The following FBXL13 variants were observed in gnomAD, a reference collection of about 807,000 sequenced individuals.
The protein encoded by FBXL13 is F-box and leucine-rich repeat protein 13.
Under a neutral mutation model 83.6 loss-of-function variants are expected in FBXL13, and 67 were observed. The observed-to-expected ratio is 0.80, with a 90% CI of 0.66 to 0.98. The LOEUF is 0.98. Among genes scored for constraint, FBXL13 ranks in the 50% least tolerant of loss-of-function variants. The probability of loss-of-function intolerance (pLI) is 0.00; values close to 1 mark genes in which losing one functional copy is unlikely to be tolerated. For synonymous variants in FBXL13, 272 were observed against 299.5 expected (o/e 0.91, Z 0.95); for missense variants, 822 against 866.5 (o/e 0.95, Z 0.64).
chr7:102,973,266 C>A, intron 6 of FBXL13: 1 of 419,750 alleles, frequency 2.4e-6, no homozygotes, highest in Non-Finnish European at 4.3e-6. Context: ...CCTCTCTTCT[C>A]AGGCCCAGTC....
intron 1 of FBXL13, among the ~76,000 whole-genome samples, chr7:103,059,265 A>C (rs1797630882): frequency 1.3e-5 from 2 of 152,164 alleles, no homozygotes; most frequent in Non-Finnish European, 2.9e-5. Flanking sequence ...GTGGCAGAGA[A>C]AGACCTTGTC....
chr7:102,909,706 G>C (rs774739859), intron 11 of FBXL13, among the ~76,000 whole-genome samples: 1 of 152,154 alleles, frequency 6.6e-6, no homozygotes, highest in Admixed American at 6.5e-5. Context: ...CCTGGAACGA[G>C]GGCCTTATGA....
At position 103,054,467 on chromosome 7, in the gene FBXL13, T is replaced by C. The variant is rs553983822; in HGVS notation, c.-1+1177A>G. 3.3e-5 allele frequency among the ~76,000 whole-genome samples: 5 copies of C among 152,214 alleles called. No homozygotes were observed. The East Asian group carries it at 7.7e-4, about 24-fold the overall frequency. On this transcript the variant is annotated intron_variant, in intron 2 of 19. Transcript: ENST00000313221. ...TCTAATTTGTGTTAGTATTTCTCTCTTCATGTGCCTTTTGCTCTGTTAGCC... is the reference window on the plus strand; with the variant it reads ...TCTAATTTGTGTTAGTATTTCTCTCCTCATGTGCCTTTTGCTCTGTTAGCC...
At chr7:102,890,950 T>C (rs956834071) in intron 11 of FBXL13, among the ~76,000 whole-genome samples, 2 of 152,202 alleles carry the variant, frequency 1.3e-5, no homozygotes, top group African/African-American at 4.8e-5. Context: ...GTAATATCCA[T>C]ATATTTTTAT....
intron 11 of FBXL13, among the ~76,000 whole-genome samples, chr7:102,897,009 A>AT (rs554702284): frequency 3.1e-4 from 45 of 147,210 alleles, no homozygotes; most frequent in South Asian, 2.8e-3. Flanking sequence ...AGGAGCAGGA[A>AT]TTTTTTTTTT....
intron 2 of FBXL13, among the ~76,000 whole-genome samples, chr7:103,050,368 C>T (rs1585558973): frequency 6.6e-6 from 1 of 152,346 alleles, no homozygotes; most frequent in East Asian, 1.9e-4. Context: ...GCTTGCCACA[C>T]CATCGCCCTG....
At chr7:103,011,027 CA>C (rs36101150) in intron 6 of FBXL13, among the ~76,000 whole-genome samples, 3,094 of 147,398 alleles carry the variant, frequency 0.021, 117 homozygotes, top group African/African-American at 0.073. Flanking sequence ...AAGAAAAAAG[CA>C]AAAAAAAAAT....
intron 6 of FBXL13, among the ~76,000 whole-genome samples, chr7:102,989,584 A>T (rs1390043406): frequency 6.6e-6 from 1 of 152,206 alleles, no homozygotes; most frequent in Non-Finnish European, 1.5e-5. Context: ...TGCAAGATGC[A>T]TGCATCCTGG....
At chr7:102,991,033 G>A (rs775039515) in intron 6 of FBXL13, among the ~76,000 whole-genome samples, 2 of 152,174 alleles carry the variant, frequency 1.3e-5, no homozygotes, top group Non-Finnish European at 2.9e-5. Context: ...AATAAGTCAG[G>A]TGGTCAAAGT....
chr7:103,004,768 C>T (rs923639206), intron 6 of FBXL13, among the ~76,000 whole-genome samples: 4 of 152,064 alleles, frequency 2.6e-5, no homozygotes, highest in Non-Finnish European at 5.9e-5. Flanking sequence ...TTTTTCATTT[C>T]TTTGTACACC....
At chr7:103,062,042 A>AC (rs1231391906) in intron 1 of FBXL13, among the ~76,000 whole-genome samples, 6 of 148,250 alleles carry the variant, frequency 4.0e-5, no homozygotes, top group Non-Finnish European at 4.4e-5. Flanking sequence ...AAAAAAAAAA[A>AC]AACAAACCTT....
At chr7:102,834,473 A>ATATATG (rs1491519097) in intron 17 of FBXL13, 1 of 141,542 alleles carries the variant, frequency 7.1e-6, no homozygotes, top group African/African-American at 2.6e-5. Context: ...ATATATATAT[A>ATATATG]TGTGATGTGG....
At chr7:102,912,700 T>A (rs1584900290) in intron 11 of FBXL13, among the ~76,000 whole-genome samples, 1 of 125,698 alleles carries the variant, frequency 8.0e-6, no homozygotes. Context: ...AAAACCCATG[T>A]GGGAGTTAAT....
chr7:102,893,974 G>T (rs201369497), intron 11 of FBXL13, among the ~76,000 whole-genome samples: 1 of 91,836 alleles, frequency 1.1e-5, no homozygotes. Flanking sequence ...GAGAAAGAAA[G>T]AAAGAAAGAG....
Position 103,039,777 on chromosome 7 carries a change from G to A in FBXL13, c.1-10359C>T, listed in dbSNP as rs569079327. ...AATCCTTTACAGACAAGTAAATGCT[G>A]AGAGATTTTGTCACCACCAGGCCTG... is the stretch of plus-strand genomic sequence containing the variant. On this transcript the variant is annotated intron_variant, in intron 2 of 19. Transcript: ENST00000313221. Among the ~76,000 whole-genome samples, 224 of 152,176 alleles carry A rather than the reference G, an allele frequency of 1.5e-3. 2 individuals are homozygous for A. Among genetic ancestry groups the A allele is most frequent in the South Asian group, 2.5e-3 (12 of 4,806 alleles).
intron 6 of FBXL13, among the ~76,000 whole-genome samples, chr7:102,987,236 G>T (rs1241986368): frequency 6.6e-6 from 1 of 152,000 alleles, no homozygotes; most frequent in African/African-American, 2.4e-5. Flanking sequence ...TAAAATTTCA[G>T]ATTTCACCAG....
intron 8 of FBXL13, among the ~76,000 whole-genome samples, chr7:102,955,407 T>A (rs1391066827): frequency 6.6e-6 from 1 of 151,734 alleles, no homozygotes; most frequent in African/African-American, 2.4e-5. Flanking sequence ...AGAAGGAAAC[T>A]TATAGCACTA....
chr7:102,836,477 A>G (rs889151270), intron 17 of FBXL13, among the ~76,000 whole-genome samples: 3 of 152,224 alleles, frequency 2.0e-5, no homozygotes, highest in Admixed American at 6.5e-5. Flanking sequence ...TCTGGCTCCA[A>G]TGCTGCAGAA....
At chr7:102,907,066 G>A (rs985160637) in intron 11 of FBXL13, among the ~76,000 whole-genome samples, 21 of 151,886 alleles carry the variant, frequency 1.4e-4, no homozygotes, top group Admixed American at 1.1e-3. Context: ...TCCACCTCCC[G>A]GGTTCAAACA....
Sources: allele counts gnomAD v4.1 joint callset (sites outside exome capture counted in the v4.1 genomes callset), GRCh38; gene constraint gnomAD v4.1.1; transcripts MANE v1.5; gene names NCBI Gene and HGNC (gene_info 2026-07-23, HGNC 2026-07-21).